RIT2: variants seen among roughly 807,000 people sequenced by gnomAD.
RIT2 encodes Ras like without CAAX 2, also known as GTP-binding protein Rit2.
Under a neutral mutation model 23.7 loss-of-function variants are expected in RIT2, and 24 were observed. That is an observed-to-expected ratio of 1.01 (90% CI 0.73 to 1.43). The LOEUF (loss-of-function observed/expected upper bound fraction) is 1.43, where lower values mean the gene tolerates loss of function less well. RIT2 is among the 40% of genes most tolerant of loss of function. The pLI is 0.00. For missense variants in RIT2, 236 were observed against 266.9 expected, an observed-to-expected ratio of 0.88 and a Z score of 0.81; for synonymous variants, 107 against 91.1, an observed-to-expected ratio of 1.17 and a Z score of -0.99.
intron 1 of RIT2, among the ~76,000 whole-genome samples, chr18:43,070,804 C>T (rs765483191): frequency 6.6e-6 from 1 of 152,154 alleles, no homozygotes; most frequent in African/African-American, 2.4e-5. Context: ...CTAATCCAGT[C>T]AGTTAAATGT....
At chr18:42,812,927 T>C (rs1905892454) in intron 4 of RIT2, among the ~76,000 whole-genome samples, 1 of 152,206 alleles carries the variant, frequency 6.6e-6, no homozygotes. Context: ...TACAGAAAAT[T>C]AAACTATTAA....
intron 1 of RIT2, among the ~76,000 whole-genome samples, chr18:43,042,031 A>G (rs1912139569): frequency 6.6e-6 from 1 of 152,184 alleles, no homozygotes; most frequent in Non-Finnish European, 1.5e-5. Flanking sequence ...GTACTAAAGT[A>G]AAGCAATTTA....
At chr18:42,913,715 C>T (rs967183495) in intron 4 of RIT2, among the ~76,000 whole-genome samples, 5 of 151,802 alleles carry the variant, frequency 3.3e-5, no homozygotes, top group African/African-American at 9.7e-5. Context: ...TGCAGGGAGG[C>T]GCTGGTAAGA....
chr18:42,927,222 CT>C (rs1216986593), intron 3 of RIT2, among the ~76,000 whole-genome samples: 4 of 150,892 alleles, frequency 2.7e-5, no homozygotes, highest in Admixed American at 1.3e-4. Flanking sequence ...AAGTATTAAG[CT>C]TTTTTTTTCC....
At chr18:42,915,877 A>G (rs1055704421) in intron 4 of RIT2, among the ~76,000 whole-genome samples, 103 of 151,834 alleles carry the variant, frequency 6.8e-4, no homozygotes, top group African/African-American at 2.2e-3. Context: ...ATGTTTGTAT[A>G]TATGTGCATA....
chr18:42,987,966 C>T (rs1449205788), intron 2 of RIT2, among the ~76,000 whole-genome samples: 3 of 152,084 alleles, frequency 2.0e-5, no homozygotes, highest in Non-Finnish European at 4.4e-5. Flanking sequence ...CCCGCATGAC[C>T]CAGACACCTT....
intron 4 of RIT2, among the ~76,000 whole-genome samples, chr18:42,902,948 A>G (rs1908515589): frequency 6.6e-6 from 1 of 151,848 alleles, no homozygotes; most frequent in African/African-American, 2.4e-5. Flanking sequence ...GTATTTATAT[A>G]TTATTTACAA....
chr18:43,094,049 A>G (rs889538551), intron 1 of RIT2, among the ~76,000 whole-genome samples: 6 of 151,824 alleles, frequency 4.0e-5, no homozygotes, highest in African/African-American at 1.5e-4. Flanking sequence ...ACTTTTAGTA[A>G]ATATTTAAAA....
At chr18:42,939,216 T>C (rs1459956783) in intron 3 of RIT2, among the ~76,000 whole-genome samples, 1 of 152,150 alleles carries the variant, frequency 6.6e-6, no homozygotes, top group African/African-American at 2.4e-5. Context: ...CATGGGGTTC[T>C]CAAGCTATAC....
chr18:42,868,203 T>C (rs963425697), intron 4 of RIT2, among the ~76,000 whole-genome samples: 4 of 152,188 alleles, frequency 2.6e-5, no homozygotes, highest in African/African-American at 7.2e-5. Flanking sequence ...ATCCATCACT[T>C]TCCTGTGAAT....
chr18:42,842,666 T>G (rs1385332196), intron 4 of RIT2, among the ~76,000 whole-genome samples: 3 of 152,086 alleles, frequency 2.0e-5, no homozygotes, highest in Non-Finnish European at 4.4e-5. Context: ...TCCAAAAATC[T>G]GAAATTCAAA....
chr18:42,944,503 A>G (rs2144163158), intron 3 of RIT2, among the ~76,000 whole-genome samples: 1 of 152,146 alleles, frequency 6.6e-6, no homozygotes, highest in Non-Finnish European at 1.5e-5. Flanking sequence ...GATTGGCCAG[A>G]TGGGTGGGCC....
chr18:43,018,808 G>T (rs1036022367), intron 2 of RIT2, among the ~76,000 whole-genome samples: 1 of 152,016 alleles, frequency 6.6e-6, no homozygotes, highest in Non-Finnish European at 1.5e-5. Flanking sequence ...TGCTAAGGGA[G>T]TTTACACCTG....
chr18:43,026,576 G>GAAAGAAAGAAAGAAAT (rs1911725991), intron 2 of RIT2, among the ~76,000 whole-genome samples: 6 of 23,392 alleles, frequency 2.6e-4, no homozygotes, highest in Non-Finnish European at 1.9e-4. Context: ...AAATAAATAA[G>GAAAGAAAGAAAGAAAT]AAAGAAAGAA....
At position 43,001,344 on chromosome 18, in the gene RIT2, CA is replaced by C. The variant is rs1911102906; in HGVS notation, c.161-27198del. On this transcript the variant is annotated intron_variant, in intron 2 of 4. Transcript: ENST00000326695. ...TGGCTCTAGGGGACATAAAACAAGA[CA>C]AAAATAAAGTATTTGGTGAAATTTC... 7.9e-5 allele frequency among the ~76,000 whole-genome samples: 12 copies of C among 151,554 alleles called. 2 individuals carry two copies. The South Asian group carries it at 2.5e-3, about 32-fold the overall frequency.
chr18:42,937,068 T>C (rs1909479244), intron 3 of RIT2, among the ~76,000 whole-genome samples: 1 of 151,882 alleles, frequency 6.6e-6, no homozygotes, highest in Non-Finnish European at 1.5e-5. Flanking sequence ...AAACATAACA[T>C]TTGATCTGCT....
intron 3 of RIT2, among the ~76,000 whole-genome samples, chr18:42,969,383 A>C (rs1910309983): frequency 6.6e-6 from 1 of 152,208 alleles, no homozygotes; most frequent in East Asian, 1.9e-4. Flanking sequence ...AAGCAATTTA[A>C]GCTTTCAGAG....
At chr18:43,071,863 A>T (rs968452303) in intron 1 of RIT2, among the ~76,000 whole-genome samples, 2 of 151,660 alleles carry the variant, frequency 1.3e-5, no homozygotes, top group African/African-American at 4.8e-5. Context: ...TGACAGGTGA[A>T]CTGGAAGCAT....
At chr18:42,923,353 T>A (rs1368467962) in intron 4 of RIT2, 17 of 531,604 alleles carry the variant, frequency 3.2e-5, no homozygotes, top group Non-Finnish European at 5.0e-5. Flanking sequence ...TCCTAGGGGA[T>A]AGGGCACTAG....
Sources: allele counts gnomAD v4.1 joint callset (sites outside exome capture counted in the v4.1 genomes callset), GRCh38; gene constraint gnomAD v4.1.1; transcripts MANE v1.5; gene names NCBI Gene and HGNC (gene_info 2026-07-23, HGNC 2026-07-21).